The following IQCH variants were observed in gnomAD, a reference collection of about 807,000 sequenced individuals.
IQCH encodes the protein IQ motif containing H.
Under a neutral mutation model 117.0 loss-of-function variants are expected in IQCH, and 98 were observed. That is an observed-to-expected ratio of 0.84 (90% CI 0.71 to 0.99). The LOEUF is 0.99. IQCH is among the 50% of genes least tolerant of loss of function. The pLI is 0.00. For synonymous variants in IQCH, 412 were observed against 448.2 expected (o/e 0.92, Z 1.02); for missense variants, 1,102 against 1,243.8 (o/e 0.89, Z 1.72).
chr15:67,465,320 A>G lies in IQCH; in HGVS notation c.2676+23A>G. On this transcript the variant is annotated intron_variant, in intron 17 of 20. Coordinates refer to ENST00000335894, the MANE Select transcript of IQCH (RefSeq NM_001031715.3). The surrounding 1 kb of genome is among the most constrained non-coding windows in gnomAD (Gnocchi z 5.9). ...CCGGTAAGCAAGAGGTGCTTCCTGA[A>G]GGTTCTCGGTGTTCAGCAACACCCA... The G allele has an allele frequency of 6.2e-7, 1 of 1,607,120 alleles. No individual in the cohort carries two copies. Among genetic ancestry groups the G allele is most frequent in the Non-Finnish European group, 8.5e-7 (1 of 1,179,264 alleles).
intron 2 of IQCH, among the ~76,000 whole-genome samples, chr15:67,262,277 G>A (rs1489654447): frequency 2.0e-5 from 3 of 152,172 alleles, no homozygotes; most frequent in African/African-American, 7.2e-5. Context: ...GGAGAATCCA[G>A]TCTTTGGACC....
chr15:67,273,319 C>G (rs1965982812), intron 3 of IQCH, among the ~76,000 whole-genome samples: 1 of 152,158 alleles, frequency 6.6e-6, no homozygotes, highest in South Asian at 2.1e-4. Context: ...ATTTGCCTGC[C>G]TCAGCCTCCC....
intron 4 of IQCH, among the ~76,000 whole-genome samples, chr15:67,303,783 G>T (rs763164381): frequency 1.3e-5 from 2 of 152,118 alleles, no homozygotes; most frequent in African/African-American, 4.8e-5. Flanking sequence ...GGAATAAGTG[G>T]TTCAGACAAG....
chr15:67,302,097 A>G (rs1171299691), intron 4 of IQCH, among the ~76,000 whole-genome samples: 1 of 152,196 alleles, frequency 6.6e-6, no homozygotes. Context: ...TTGATGGAGC[A>G]TGATAAAACT....
chr15:67,331,579 AC>A (rs922576318), intron 4 of IQCH, among the ~76,000 whole-genome samples: 7 of 152,214 alleles, frequency 4.6e-5, no homozygotes, highest in African/African-American at 1.7e-4. Context: ...TAATAGATAT[AC>A]CTATTAGTTT....
intron 8 of IQCH, among the ~76,000 whole-genome samples, chr15:67,368,766 T>C (rs913693554): frequency 1.3e-5 from 2 of 152,242 alleles, no homozygotes; most frequent in African/African-American, 4.8e-5. Flanking sequence ...TATCTGATTA[T>C]GGATCCAGTT....
intron 10 of IQCH, among the ~76,000 whole-genome samples, chr15:67,379,526 G>A (rs1174251895): frequency 6.6e-6 from 1 of 152,154 alleles, no homozygotes; most frequent in Non-Finnish European, 1.5e-5. Context: ...AGAATCATTG[G>A]TAATATGGTT....
intron 6 of IQCH, among the ~76,000 whole-genome samples, chr15:67,345,165 A>G (rs1389337164): frequency 1.3e-5 from 2 of 151,996 alleles, no homozygotes; most frequent in Non-Finnish European, 1.5e-5. Context: ...AATTTTTTGT[A>G]TTTTTAGTAG....
chr15:67,323,239 ATTTTTT>A (rs578260011), intron 4 of IQCH, among the ~76,000 whole-genome samples: 1 of 98,914 alleles, frequency 1.0e-5, no homozygotes, highest in African/African-American at 4.0e-5. Context: ...TTAGGGTTAC[ATTTTTT>A]TTTTTTTTTT....
chr15:67,329,818 T>TTA (rs1480272058), intron 4 of IQCH, among the ~76,000 whole-genome samples: 1 of 41,710 alleles, frequency 2.4e-5, no homozygotes, highest in Admixed American at 3.4e-4. Context: ...TTTGAGTGAA[T>TTA]TATACACACA....
intron 1 of IQCH, among the ~76,000 whole-genome samples, chr15:67,257,666 T>A (rs1965279028): frequency 6.6e-6 from 1 of 152,226 alleles, no homozygotes; most frequent in Non-Finnish European, 1.5e-5. Flanking sequence ...AGAAGCTTTG[T>A]TTTTATGCTT....
At chr15:67,263,266 A>G (rs777101142) in intron 3 of IQCH, 50 bp downstream of exon 3, 31 of 914,676 alleles carry the variant, frequency 3.4e-5, no homozygotes, top group Non-Finnish European at 5.1e-5. Context: ...TTGAGAAATA[A>G]CTTTTCTCAC....
At chr15:67,276,907 A>C (rs771491756) in intron 3 of IQCH, among the ~76,000 whole-genome samples, 1 of 152,098 alleles carries the variant, frequency 6.6e-6, no homozygotes, top group Non-Finnish European at 1.5e-5. Context: ...TTATTACTCA[A>C]ATATTTCTTT....
At position 67,454,143 on chromosome 15, in the gene IQCH, C is replaced by G. The variant is rs2140997597; in HGVS notation, c.2506-10984C>G. Reference sequence around the variant, plus strand: ...TGCCATCTGTCACTCCTTTCTTTGACTAGGAAAGGGAATTCCCTGACCCCT... The same window carrying G: ...TGCCATCTGTCACTCCTTTCTTTGAGTAGGAAAGGGAATTCCCTGACCCCT... On this transcript the variant is annotated intron_variant, in intron 16 of 20. Coordinates refer to ENST00000335894, the MANE Select transcript of IQCH (RefSeq NM_001031715.3). This position sits in a 1 kb window ranked among gnomAD's most constrained non-coding sequence, Gnocchi z 5.2. 6.6e-6 allele frequency among the ~76,000 whole-genome samples: 1 copy of G among 152,320 alleles called. No individual in the cohort carries two copies. Among genetic ancestry groups the G allele is most frequent in the East Asian group, 1.9e-4 (1 of 5,178 alleles).
intron 18 of IQCH, among the ~76,000 whole-genome samples, chr15:67,477,867 G>A (rs1410591301): frequency 6.6e-6 from 1 of 152,152 alleles, no homozygotes; most frequent in African/African-American, 2.4e-5. Flanking sequence ...TTTATTTCTT[G>A]GGCTTAAGAC....
chr15:67,448,623 G>A (rs1240377928), intron 16 of IQCH, among the ~76,000 whole-genome samples: 1 of 152,004 alleles, frequency 6.6e-6, no homozygotes, highest in Admixed American at 6.6e-5. Context: ...CCAGTCTATC[G>A]TTGTTGGACA....
chr15:67,439,505 C>T (rs977835394), intron 16 of IQCH, among the ~76,000 whole-genome samples: 1 of 152,110 alleles, frequency 6.6e-6, no homozygotes, highest in South Asian at 2.1e-4. Flanking sequence ...GAGCTAGAGA[C>T]ACAAGAAAGG....
rs143563256 is a variant in IQCH, at chr15:67,472,252, A to G, written c.2677-3444A>G. On this transcript the variant is annotated intron_variant, in intron 17 of 20. Transcript: ENST00000335894. This position sits in a 1 kb window ranked among gnomAD's most constrained non-coding sequence, Gnocchi z 4.3. ...AGTCCAAAGAAACCTGTGGTCTGCT[A>G]GGAAAAGGCAGTGAACCAGTCAGAC... 8.1e-3 allele frequency among the ~76,000 whole-genome samples: 1,234 copies of G among 152,322 alleles called. 23 individuals are homozygous for G. Among genetic ancestry groups the G allele is most frequent in the African/African-American group, 0.028 (1,169 of 41,554 alleles).
intron 4 of IQCH, among the ~76,000 whole-genome samples, chr15:67,299,700 T>A (rs910115415): frequency 3.3e-5 from 5 of 152,182 alleles, no homozygotes; most frequent in African/African-American, 1.2e-4. Context: ...CATGATGCCA[T>A]TTTACATGTT....
Sources: gnomAD v4.1 joint callset for allele counts (sites outside exome capture counted in the v4.1 genomes callset) on GRCh38, gnomAD v4.1.1 for gene constraint, Gnocchi (gnomAD v3.1) non-coding constraint, MANE v1.5 for transcripts, NCBI Gene and HGNC (gene_info 2026-07-23, HGNC 2026-07-21) for gene names.